PAMR1: variants seen among roughly 807,000 people sequenced by gnomAD.
PAMR1 encodes peptidase domain containing associated with muscle regeneration 1, also known as inactive serine protease PAMR1.
PAMR1 carries 88 observed loss-of-function variants against 81.8 expected under a neutral mutation model. The observed-to-expected ratio is 1.08, with a 90% CI of 0.91 to 1.28. The LOEUF (loss-of-function observed/expected upper bound fraction) is 1.28. Among genes scored for constraint, PAMR1 ranks in the 50% most tolerant of loss-of-function variants. The pLI is 0.00. For missense variants in PAMR1, 935 were observed against 919.7 expected (o/e 1.02, Z -0.21); for synonymous variants, 336 against 345.3 (o/e 0.97, Z 0.30).
chr11:35,476,319 G>A (rs533825334), intron 3 of PAMR1, among the ~76,000 whole-genome samples: 5 of 152,120 alleles, frequency 3.3e-5, no homozygotes, highest in Non-Finnish European at 5.9e-5. Context: ...TCTCATCTTT[G>A]TAGTTCCCAT....
At position 35,434,720 on chromosome 11, in the gene PAMR1, C is replaced by G. The variant is rs750922979; in HGVS notation, c.1418G>C (p.Ser473Thr). 6.2e-7 allele frequency: 1 copy of G among 1,614,204 alleles called. No homozygotes were observed. The highest frequency in any genetic ancestry group is 1.1e-5 in the South Asian group (1 of 91,084). Residue 473 changes from serine to threonine, a missense_variant, in exon 10 of 11, where the codon AGC (serine) becomes ACC (threonine). Ser to Thr is a moderately conservative substitution (Grantham distance 58). Coordinates refer to ENST00000619888, the MANE Select transcript of PAMR1 (RefSeq NM_001001991.3). ...PWQAAIYRRT[S>T]GVHDGSLHKG... ...GTGTAGGCTGCCGTCATGCACCCCGCTGGTCCTCCTGTAGATGGCTGCCTG... is the reference window on the plus strand; with the variant it reads ...GTGTAGGCTGCCGTCATGCACCCCGGTGGTCCTCCTGTAGATGGCTGCCTG...
At chr11:35,442,348 C>G (rs1396253442) in intron 6 of PAMR1, among the ~76,000 whole-genome samples, 1 of 152,062 alleles carries the variant, frequency 6.6e-6, no homozygotes, top group Non-Finnish European at 1.5e-5. Flanking sequence ...TCTTTGAGTC[C>G]TGTTGAATGG....
At chr11:35,451,952 ATG>A (rs1225954880) in intron 6 of PAMR1, 1 of 686,826 alleles carries the variant, frequency 1.5e-6, no homozygotes, top group Non-Finnish European at 2.7e-6. Flanking sequence ...TGAGAAATAA[ATG>A]TTTGTTGTTT....
upstream of PAMR1, among the ~76,000 whole-genome samples, chr11:35,526,667 GC>G (rs1207637452): frequency 6.6e-6 from 1 of 152,210 alleles, no homozygotes; most frequent in Admixed American, 6.5e-5. Context: ...TTGAACCCGG[GC>G]AGCTTAGGCC....
upstream of PAMR1, among the ~76,000 whole-genome samples, chr11:35,527,019 G>A (rs565963868): frequency 6.6e-4 from 100 of 152,310 alleles, no homozygotes; most frequent in African/African-American, 2.3e-3. Context: ...AATGGAAGTG[G>A]AAGGGAAAAG....
chr11:35,523,789 A>T (rs747502501), intron 1 of PAMR1, among the ~76,000 whole-genome samples: 7 of 152,162 alleles, frequency 4.6e-5, no homozygotes, highest in Non-Finnish European at 1.0e-4. Context: ...TGCTAAACAC[A>T]TGAAGCTGCG....
chr11:35,433,761 TGGATGGATAGAC>T (rs201967336), intron 10 of PAMR1, among the ~76,000 whole-genome samples: 2,901 of 150,802 alleles, frequency 0.019, 75 homozygotes, highest in Admixed American at 0.067. Context: ...GATGGATGGA[TGGATGGATAGAC>T]GGATGGATGG....
At chr11:35,502,244 TTTAA>T (rs971549265) in intron 1 of PAMR1, among the ~76,000 whole-genome samples, 218 of 151,290 alleles carry the variant, frequency 1.4e-3, no homozygotes, top group African/African-American at 4.7e-3. Context: ...CATTTTTAAA[TTTAA>T]TTAATTAATT....
chr11:35,455,166 G>A (rs1447199737), intron 6 of PAMR1, among the ~76,000 whole-genome samples: 25 of 152,212 alleles, frequency 1.6e-4, no homozygotes, highest in African/African-American at 6.0e-4. Context: ...TAGCTGAGAT[G>A]ACCAGGTCCA....
chr11:35,529,533 G>A (rs1462187530), upstream of PAMR1, among the ~76,000 whole-genome samples: 2 of 152,150 alleles, frequency 1.3e-5, no homozygotes, highest in Non-Finnish European at 2.9e-5. Flanking sequence ...CGCTACCTGT[G>A]TACACTTGGG....
chr11:35,525,505 C>T lies in PAMR1; in HGVS notation c.73+8G>A. 2 of 1,613,196 alleles carry T rather than the reference C, an allele frequency of 1.2e-6. No individual in the cohort carries two copies. The highest frequency in any genetic ancestry group is 1.7e-6 in the Non-Finnish European group (2 of 1,179,298). On this transcript the variant is annotated splice_region_variant and intron_variant, in intron 1 of 10. Coordinates refer to ENST00000619888, the MANE Select transcript of PAMR1 (RefSeq NM_001001991.3). ...CTCCTAGGGTGTCCCGGACGCTACTCACAGTACCTCTTGGCAAGGACGAGA... is the reference window on the plus strand; with the variant it reads ...CTCCTAGGGTGTCCCGGACGCTACTTACAGTACCTCTTGGCAAGGACGAGA...
rs771374689 is a variant in PAMR1, at chr11:35,435,898, C to A, written c.1333+5G>T. Reference sequence around the variant, plus strand: ...GCTCAAGCCCAAGAATGAGCCTTGACTCACTAGGGATGCAGGATGGTGCCC... The same window carrying A: ...GCTCAAGCCCAAGAATGAGCCTTGAATCACTAGGGATGCAGGATGGTGCCC... On this transcript the variant is annotated splice_donor_5th_base_variant and intron_variant, in intron 9 of 10. Transcript: ENST00000619888. The A allele has an allele frequency of 1.2e-5, 20 of 1,604,080 alleles. No homozygotes were observed. Among genetic ancestry groups the A allele is most frequent in the Admixed American group, 1.7e-5 (1 of 60,006 alleles).
intron 1 of PAMR1, chr11:35,513,486 C>G (rs1193600822): frequency 6.6e-6 from 1 of 152,088 alleles, no homozygotes; most frequent in East Asian, 1.9e-4. Flanking sequence ...TTCTGAATGG[C>G]AACAACAACA....
At chr11:35,488,916 C>T (rs1850564938) in intron 3 of PAMR1, among the ~76,000 whole-genome samples, 1 of 152,046 alleles carries the variant, frequency 6.6e-6, no homozygotes, top group South Asian at 2.1e-4. Flanking sequence ...CAATCGCATG[C>T]TAGCCATCAA....
chr11:35,436,834 ACAT>A (rs1183625209), intron 8 of PAMR1, among the ~76,000 whole-genome samples: 2 of 152,258 alleles, frequency 1.3e-5, no homozygotes, highest in Non-Finnish European at 2.9e-5. Context: ...ATCCAAAGGT[ACAT>A]TATACATGCA....
intron 8 of PAMR1, among the ~76,000 whole-genome samples, chr11:35,436,425 C>T (rs1856045570): frequency 6.6e-6 from 1 of 152,088 alleles, no homozygotes. Context: ...GCTGGGATTA[C>T]AGACATGCAA....
At chr11:35,515,742 A>T (rs1851150926) in intron 1 of PAMR1, among the ~76,000 whole-genome samples, 1 of 152,186 alleles carries the variant, frequency 6.6e-6, no homozygotes, top group Non-Finnish European at 1.5e-5. Flanking sequence ...GGCATGTGAA[A>T]GGCATTTCTC....
At chr11:35,446,032 G>A (rs538807614) in intron 6 of PAMR1, among the ~76,000 whole-genome samples, 1 of 152,138 alleles carries the variant, frequency 6.6e-6, no homozygotes, top group South Asian at 2.1e-4. Flanking sequence ...TCTATTCAGG[G>A]ATTCAAATTC....
At chr11:35,490,813 G>T (rs1187760453) in intron 3 of PAMR1, among the ~76,000 whole-genome samples, 2 of 152,146 alleles carry the variant, frequency 1.3e-5, no homozygotes. Flanking sequence ...TATGAAGTTG[G>T]TAGCATTATT....
Sources: allele counts gnomAD v4.1 joint callset (sites outside exome capture counted in the v4.1 genomes callset), GRCh38; gene constraint gnomAD v4.1.1; transcripts MANE v1.5; gene names NCBI Gene and HGNC (gene_info 2026-07-23, HGNC 2026-07-21).